MSH4: variants seen among roughly 807,000 people sequenced by gnomAD.
MSH4 encodes the protein mutS homolog 4.
Under a neutral mutation model 113.7 loss-of-function variants are expected in MSH4, and 106 were observed. The observed-to-expected ratio is 0.93, with a 90% CI of 0.80 to 1.10. The LOEUF (loss-of-function observed/expected upper bound fraction) is 1.10. Ranked by LOEUF, MSH4 falls within the 50% of genes least tolerant of loss-of-function variation. MSH4 has a pLI of 0.00. For synonymous variants in MSH4, 368 were observed against 380.2 expected (o/e 0.97, Z 0.37); for missense variants, 1,061 against 1,093.7 (o/e 0.97, Z 0.42).
intron 1 of MSH4, among the ~76,000 whole-genome samples, chr1:75,801,257 T>C (rs1649928166): frequency 6.6e-6 from 1 of 152,104 alleles, no homozygotes; most frequent in Non-Finnish European, 1.5e-5. Flanking sequence ...ATATTTGCCA[T>C]CTGGTCCTTT....
intron 9 of MSH4, among the ~76,000 whole-genome samples, chr1:75,868,510 T>G (rs752392654): frequency 6.6e-6 from 1 of 152,240 alleles, no homozygotes; most frequent in Non-Finnish European, 1.5e-5. Flanking sequence ...AGGGAACTGC[T>G]TTTGAAAAAG....
chr1:75,848,339 T>C, intron 8 of MSH4, 63 bp downstream of exon 8: 1 of 1,154,284 alleles, frequency 8.7e-7, no homozygotes, highest in Non-Finnish European at 1.3e-6. Context: ...CTTGTCTTAA[T>C]GTAATGTAAC....
At chr1:75,839,946 A>G (rs1207343348) in intron 7 of MSH4, among the ~76,000 whole-genome samples, 3 of 143,576 alleles carry the variant, frequency 2.1e-5, no homozygotes, top group Non-Finnish European at 4.6e-5. Flanking sequence ...CATCAGAGAA[A>G]TGCAAATCAA....
rs762723701 is a variant in MSH4 at position 75,867,527 on chromosome 1, A to T, written c.1244A>T (p.Glu415Val). The change falls in exon 9 of 20, where the codon GAA (glutamate) becomes GTA (valine). Residue 415 changes from glutamate (E) to valine (V), a missense_variant. Physicochemically the swap from Glu to Val is moderately radical, Grantham distance 121 (BLOSUM62 -2). Transcript: ENST00000263187. ...TTATCTTAACAGGTCAATGCTGCTG[A>T]ATCAAAGATAACAAATTTAATATAC... Reference protein sequence around the residue: ...IPKQDTVNAAESKITNLIYLK... With the variant: ...IPKQDTVNAAVSKITNLIYLK... The T allele has an allele frequency of 1.4e-5, 23 of 1,593,094 alleles. No individual in the cohort carries two copies. The highest frequency in any genetic ancestry group is 2.0e-5 in the Non-Finnish European group (23 of 1,168,720).
intron 15 of MSH4, among the ~76,000 whole-genome samples, chr1:75,884,118 C>A (rs947804394): frequency 6.6e-6 from 1 of 152,028 alleles, no homozygotes; most frequent in Non-Finnish European, 1.5e-5. Flanking sequence ...TTGAATCATG[C>A]AATTATTTCT....
In MSH4 at chr1:75,897,955, G is replaced by A. The variant is rs1014985935; in HGVS notation, c.2404G>A (p.Ala802Thr). ...THFLELCHID[A>T]LYPNVENMHF... is the part of the protein sequence containing the mutation. Reference sequence around the variant, plus strand: ...TTTCCTGGAACTATGCCATATTGATGCCCTGTATCCTAATGTAGAAAACAT... The same window carrying A: ...TTTCCTGGAACTATGCCATATTGATACCCTGTATCCTAATGTAGAAAACAT... Residue 802 changes from alanine to threonine, a missense_variant, in exon 18 of 20, where the codon GCC (alanine) becomes ACC (threonine). Ala to Thr is a moderately conservative substitution (Grantham distance 58). Coordinates refer to ENST00000263187, the MANE Select transcript of MSH4 (RefSeq NM_002440.4). The A allele has an allele frequency of 1.3e-6, 2 of 1,597,660 alleles. No individual in the cohort carries two copies. The highest frequency in any genetic ancestry group is 1.7e-5 in the Admixed American group (1 of 58,090).
chr1:75,812,434 C>T (rs5745362), intron 4 of MSH4, among the ~76,000 whole-genome samples: 11,367 of 152,170 alleles, frequency 0.075, 579 homozygotes, highest in African/African-American at 0.14. Flanking sequence ...TGGCTCATGC[C>T]TGTAATCCCA....
chr1:75,806,812 T>C (rs999048844), intron 2 of MSH4, among the ~76,000 whole-genome samples, 169 bp from the exon 3 acceptor site: 3 of 152,216 alleles, frequency 2.0e-5, no homozygotes, highest in Non-Finnish European at 2.9e-5. Flanking sequence ...ATTGAAATTA[T>C]AGTTGTACTG....
At chr1:75,895,508 C>T (rs1048673946) in intron 17 of MSH4, among the ~76,000 whole-genome samples, 1 of 152,124 alleles carries the variant, frequency 6.6e-6, no homozygotes, top group Non-Finnish European at 1.5e-5. Context: ...TTACCAACTA[C>T]AACTCTCTTA....
rs5745313 is a variant in MSH4 at position 75,797,347 on chromosome 1, G to C, written c.244+118G>C. 2.8e-4 allele frequency: 378 copies of C among 1,343,254 alleles called. 2 individuals are homozygous for C. In the African/African-American group the frequency reaches 5.2e-3, roughly 18 times the overall value. 83.2% of individuals were successfully genotyped at this position (1,343,254 alleles called of 1,614,324 possible). ...AAGTTGTGATTTGGTTGGGGCGTGA[G>C]ATCTGAGTGCCCTGGGAATTTGGTG... On this transcript the variant is annotated intron_variant, in intron 1 of 19. Coordinates refer to ENST00000263187, the MANE Select transcript of MSH4 (RefSeq NM_002440.4).
intron 1 of MSH4, among the ~76,000 whole-genome samples, chr1:75,797,570 CCTG>C (rs1205642476): frequency 1.6e-4 from 24 of 152,242 alleles, no homozygotes; most frequent in African/African-American, 5.3e-4. Context: ...TTCTCCAAAT[CCTG>C]CTAAGGTGGG....
At chr1:75,805,684 G>A in intron 2 of MSH4, among the ~76,000 whole-genome samples, 1 of 151,980 alleles carries the variant, frequency 6.6e-6, no homozygotes, top group East Asian at 1.9e-4. Flanking sequence ...ACTGCGCCTG[G>A]CCAAAATTAC....
intron 8 of MSH4, among the ~76,000 whole-genome samples, chr1:75,851,347 A>G (rs1651183139): frequency 6.6e-6 from 1 of 150,838 alleles, no homozygotes; most frequent in African/African-American, 2.4e-5. Context: ...TGCCTTCATT[A>G]GCTTAATTAT....
At chr1:75,845,802 A>T (rs1651062939) in intron 7 of MSH4, among the ~76,000 whole-genome samples, 1 of 151,682 alleles carries the variant, frequency 6.6e-6, no homozygotes, top group Non-Finnish European at 1.5e-5. Flanking sequence ...CCTCTATCCT[A>T]TGGCTCCACC....
chr1:75,801,985 A>G (rs1468686856), intron 1 of MSH4, among the ~76,000 whole-genome samples: 2 of 152,000 alleles, frequency 1.3e-5, no homozygotes, highest in East Asian at 3.9e-4. Context: ...CCTGGGCAAC[A>G]TGGCAAAACC....
intron 17 of MSH4, among the ~76,000 whole-genome samples, chr1:75,896,920 C>G (rs1261712201): frequency 6.6e-6 from 1 of 151,998 alleles, no homozygotes; most frequent in Non-Finnish European, 1.5e-5. Context: ...TTGTTTTATA[C>G]TCCTTTTGAT....
chr1:75,893,461 G>A (rs890161993), intron 17 of MSH4, among the ~76,000 whole-genome samples: 1 of 152,050 alleles, frequency 6.6e-6, no homozygotes, highest in African/African-American at 2.4e-5. Flanking sequence ...TGATGAACCT[G>A]GGGACATTTA....
chr1:75,808,707 T>C (rs1455109247), intron 3 of MSH4, among the ~76,000 whole-genome samples: 1 of 152,160 alleles, frequency 6.6e-6, no homozygotes, highest in Non-Finnish European at 1.5e-5. Context: ...TTATTTCTAC[T>C]GAACTGTATT....
chr1:75,883,868 G>A, intron 15 of MSH4, 47 bp downstream of exon 15: 1 of 1,529,532 alleles, frequency 6.5e-7, no homozygotes, highest in Non-Finnish European at 8.9e-7. Context: ...ACTCTTTTCA[G>A]AATGCTTTGT....
Sources: gnomAD v4.1 joint callset for allele counts (sites outside exome capture counted in the v4.1 genomes callset) on GRCh38, gnomAD v4.1.1 for gene constraint, MANE v1.5 for transcripts, NCBI Gene and HGNC (gene_info 2026-07-23, HGNC 2026-07-21) for gene names.